ADAR: variants seen among roughly 807,000 people sequenced by gnomAD.
ADAR encodes the protein double-stranded RNA-specific adenosine deaminase.
In ADAR, 41 loss-of-function variants were observed where a neutral mutation model predicts 113.2. The observed-to-expected ratio is 0.36, with a 90% CI of 0.28 to 0.47. The LOEUF (loss-of-function observed/expected upper bound fraction) is 0.47, where lower values mean the gene tolerates loss of function less well. Ranked by LOEUF, ADAR falls within the 20% of genes least tolerant of loss-of-function variation. The pLI, the probability that ADAR is intolerant of heterozygous loss-of-function variation, is 1.00. For synonymous variants in ADAR, 605 were observed against 572.6 expected, an observed-to-expected ratio of 1.06 and a Z score of -0.81; for missense variants, 1,242 against 1,540.9, an observed-to-expected ratio of 0.81 and a Z score of 3.25.
At position 154,586,237 on chromosome 1, in the gene ADAR, T is replaced by C; in HGVS notation, c.3146A>G (p.Gln1049Arg). ...KILRWNVLGL[Q>R]GALLTHFLQP... is the part of the protein sequence containing the mutation. ...CAGGAAGTGGGTCAACAGTGCCCCT[T>C]GCAGGCCCAGCACGTTCCAGCGTAG... Residue 1049 changes from glutamine (Q) to arginine (R), a missense_variant, in exon 12 of 15, where the codon CAA becomes CGA. By Grantham distance (43) the Gln-to-Arg change is conservative. This residue lies in a region of ADAR where 780 missense variants were observed against 1,057.9 expected (regional missense o/e 0.74). Coordinates refer to ENST00000368474, the MANE Select transcript of ADAR (RefSeq NM_001111.5). 6.2e-7 allele frequency: 1 copy of C among 1,614,222 alleles called. No homozygotes were observed. The highest frequency in any genetic ancestry group is 8.5e-7 in the Non-Finnish European group (1 of 1,180,046).
intron 6 of ADAR, among the ~76,000 whole-genome samples, chr1:154,594,961 C>A (rs540670081): frequency 6.6e-6 from 1 of 152,322 alleles, no homozygotes; most frequent in African/African-American, 2.4e-5. Context: ...TAGTCATGTA[C>A]TGCATAACAG....
intron 13 of ADAR, 111 bp downstream of exon 13, chr1:154,585,642 C>T: frequency 2.9e-6 from 3 of 1,024,308 alleles, no homozygotes; most frequent in Non-Finnish European, 4.5e-6. Context: ...CCCTTGTGGG[C>T]TACCACTGTG....
chr1:154,589,502 A>C, intron 8 of ADAR, 40 bp from the exon 9 acceptor site: 1 of 1,540,526 alleles, frequency 6.5e-7, no homozygotes. Context: ...TAATGGAAGG[A>C]AACCGATGGA....
intron 1 of ADAR, among the ~76,000 whole-genome samples, chr1:154,621,553 C>A (rs1329141154): frequency 6.6e-6 from 1 of 151,902 alleles, no homozygotes; most frequent in East Asian, 1.9e-4. Context: ...AGTGAATAGA[C>A]AAAACATTAA....
In ADAR at chr1:154,589,953, G is replaced by C. The variant is rs747015655; in HGVS notation, c.2497-25C>G. 1 of 1,613,170 alleles carries C rather than the reference G, an allele frequency of 6.2e-7. No individual in the cohort carries two copies. The highest frequency in any genetic ancestry group is 1.7e-5 in the Admixed American group (1 of 59,896). On this transcript the variant is annotated intron_variant, in intron 7 of 14. Transcript: ENST00000368474. ...GCTGTGGGGAAAAGAGGCTGTGTCA[G>C]CACCACAAAGCTGAGGCTGTGTCCA...
At chr1:154,590,140 GAC>G in intron 7 of ADAR, 42 bp downstream of exon 7, 2 of 1,373,184 alleles carry the variant, frequency 1.5e-6, no homozygotes, top group Non-Finnish European at 1.0e-6. Flanking sequence ...GAGTTAGGAG[GAC>G]CCCCCCGCCC....
At chr1:154,624,398 G>C (rs970299445) in intron 1 of ADAR, among the ~76,000 whole-genome samples, 1 of 152,172 alleles carries the variant, frequency 6.6e-6, no homozygotes, top group South Asian at 2.1e-4. Flanking sequence ...TAACCAGAGG[G>C]TATAGAAGCA....
At position 154,624,235 on chromosome 1, in the gene ADAR, G is replaced by A. The variant is rs145313082; in HGVS notation, c.-871+3620C>T. On this transcript the variant is annotated intron_variant, in intron 1 of 14. Transcript: ENST00000368471. ...TACACTGGGTTTGTGCCACTTGCAA[G>A]TAGATTAATATACAGTCCTTTTGGA... Among the ~76,000 whole-genome samples, 829 of 152,278 alleles carry A rather than the reference G, an allele frequency of 5.4e-3. 5 individuals are homozygous for A. The highest frequency in any genetic ancestry group is 0.019 in the African/African-American group (794 of 41,546).
At chr1:154,617,767 G>C (rs1698674388) in intron 1 of ADAR, among the ~76,000 whole-genome samples, 1 of 152,036 alleles carries the variant, frequency 6.6e-6, no homozygotes, top group Non-Finnish European at 1.5e-5. Context: ...TTTATGCTCA[G>C]TGGTCTTAAA....
At chr1:154,605,588 G>A (rs942695734) in intron 1 of ADAR, among the ~76,000 whole-genome samples, 2 of 151,998 alleles carry the variant, frequency 1.3e-5, no homozygotes, top group Admixed American at 1.3e-4. Context: ...AGCTCTTGGG[G>A]GTCAAGGACT....
intron 10 of ADAR, 64 bp downstream of exon 10, chr1:154,588,487 T>A: frequency 6.2e-7 from 1 of 1,605,078 alleles, no homozygotes; most frequent in East Asian, 2.2e-5. Flanking sequence ...CAGGAGAGCA[T>A]TTGGATACCC....
rs1424002102 is a variant in ADAR, at chr1:154,601,333, G to T, written c.1309C>A (p.His437Asn). The change falls in exon 2 of 15, where the codon CAT (histidine) becomes AAT (asparagine). Residue 437 changes from histidine (H) to asparagine (N), a missense_variant. Transcript: ENST00000368474. The surrounding 1 kb of genome is among the most constrained non-coding windows in gnomAD (Gnocchi z 4.7). ...PEPARLKPPV[H>N]YNGPSKAGYV... ...CCTGCTTTTGAGGGGCCATTGTAAT[G>T]AACAGGTGGTTTCAGTCTTGCTGGT... The T allele has an allele frequency of 6.2e-7, 1 of 1,614,220 alleles. No homozygotes were observed. The highest frequency in any genetic ancestry group is 1.1e-5 in the South Asian group (1 of 91,078).
rs765975608 is a variant in ADAR, at chr1:154,590,144, C to A, written c.2496+40G>T. 249 of 1,100,320 alleles carry A rather than the reference C, an allele frequency of 2.3e-4. 12 individuals carry two copies. The highest frequency in any genetic ancestry group is 3.1e-4 in the Non-Finnish European group (223 of 726,664). The allele number at this position is 1,100,320 out of a possible 1,614,324, so 68.2% of individuals were successfully genotyped here. A position where few individuals can be genotyped will look rare whatever the true frequency, so the allele number is the denominator to read the frequency against. ...CCTCCACTTAGGAGTTAGGAGGACC[C>A]CCCCGCCCCAAAAAAGGCACCAAAA... is the stretch of plus-strand genomic sequence containing the variant. On this transcript the variant is annotated intron_variant, in intron 7 of 14. Transcript: ENST00000368474.
chr1:154,621,076 G>C (rs1300511350), intron 1 of ADAR, among the ~76,000 whole-genome samples: 1 of 152,120 alleles, frequency 6.6e-6, no homozygotes, highest in African/African-American at 2.4e-5. Context: ...GTGAATCTTA[G>C]TTTTGTCAAG....
chr1:154,598,260 G>T, intron 3 of ADAR, 142 bp downstream of exon 3: 1 of 933,140 alleles, frequency 1.1e-6, no homozygotes, highest in African/African-American at 1.6e-5. Context: ...AAGGTGGGCT[G>T]GCGAGATAGG....
chr1:154,625,586 C>T (rs994819466), intron 1 of ADAR, among the ~76,000 whole-genome samples: 7 of 152,342 alleles, frequency 4.6e-5, no homozygotes, highest in Admixed American at 2.0e-4. Flanking sequence ...AGGCCTGGCG[C>T]GGTGGCTCAT....
At chr1:154,607,121 T>C (rs991424533) in intron 1 of ADAR, among the ~76,000 whole-genome samples, 3 of 152,060 alleles carry the variant, frequency 2.0e-5, no homozygotes, top group African/African-American at 7.2e-5. Context: ...TCTTCCACGA[T>C]ACCCAGTCCC....
intron 1 of ADAR, among the ~76,000 whole-genome samples, chr1:154,625,847 T>C (rs1391015828): frequency 1.3e-5 from 2 of 151,850 alleles, no homozygotes; most frequent in Non-Finnish European, 2.9e-5. Context: ...TTACTAAAAA[T>C]ACAAAAATTA....
chr1:154,608,225 G>A (rs756939409), upstream of ADAR: 6 of 569,840 alleles, frequency 1.1e-5, no homozygotes, highest in Non-Finnish European at 1.5e-5. Context: ...TTCCCCTCCG[G>A]AAAGTTTGGC....
Sources: allele counts gnomAD v4.1 joint callset (sites outside exome capture counted in the v4.1 genomes callset), GRCh38; gene constraint gnomAD v4.1.1; regional missense constraint gnomAD v4.1.1; non-coding constraint Gnocchi (gnomAD v3.1); transcripts MANE v1.5; gene names NCBI Gene and HGNC (gene_info 2026-07-23, HGNC 2026-07-21).